ELP4: variants seen among roughly 807,000 people sequenced by gnomAD.
ELP4 encodes the protein elongator acetyltransferase complex subunit 4.
ELP4 carries 51 observed loss-of-function variants against 48.9 expected under a neutral mutation model. The ratio of observed to expected loss-of-function variants is 1.04; its 90% confidence interval spans 0.83 to 1.32. ELP4 has a LOEUF of 1.32. ELP4 is among the 40% of genes most tolerant of loss of function. The probability of loss-of-function intolerance (pLI) is 0.00; values close to 1 mark genes in which losing one functional copy is unlikely to be tolerated. For synonymous variants in ELP4, 210 were observed against 189.2 expected, an observed-to-expected ratio of 1.11 and a Z score of -0.90; for missense variants, 519 against 514.6, an observed-to-expected ratio of 1.01 and a Z score of -0.08.
chr11:31,567,345 C>G (rs1289208666), intron 3 of ELP4, among the ~76,000 whole-genome samples: 1 of 152,154 alleles, frequency 6.6e-6, no homozygotes, highest in Non-Finnish European at 1.5e-5. Context: ...CAGATAGGAT[C>G]AATAGTAGTA....
chr11:31,690,025 A>T (rs1470042608), intron 9 of ELP4, among the ~76,000 whole-genome samples: 1 of 152,192 alleles, frequency 6.6e-6, no homozygotes, highest in Non-Finnish European at 1.5e-5. Context: ...TCATGAAGGA[A>T]GGAAAAGGAA....
intron 9 of ELP4, among the ~76,000 whole-genome samples, chr11:31,679,960 T>TC (rs1428488902): frequency 6.6e-6 from 1 of 152,200 alleles, no homozygotes; most frequent in Non-Finnish European, 1.5e-5. Context: ...ACCCTGAGCT[T>TC]CCAACAGTTT....
chr11:31,621,542 A>G (rs548671527), intron 5 of ELP4, among the ~76,000 whole-genome samples: 1 of 152,000 alleles, frequency 6.6e-6, no homozygotes, highest in South Asian at 2.1e-4. Context: ...ACCTCATACC[A>G]CACATGTACA....
At chr11:31,781,577 C>A (rs956303530) in intron 9 of ELP4, among the ~76,000 whole-genome samples, 1 of 128,026 alleles carries the variant, frequency 7.8e-6, no homozygotes, top group African/African-American at 3.0e-5. Flanking sequence ...CGGTTCACTG[C>A]ATCCTCCGAC....
intron 5 of ELP4, among the ~76,000 whole-genome samples, chr11:31,605,650 G>T (rs1957860854): frequency 6.6e-6 from 1 of 151,930 alleles, no homozygotes; most frequent in African/African-American, 2.4e-5. Context: ...GTATTTTAAG[G>T]ACAATACTTT....
At chr11:31,704,788 A>C (rs1053731674) in intron 9 of ELP4, among the ~76,000 whole-genome samples, 3 of 152,044 alleles carry the variant, frequency 2.0e-5, no homozygotes, top group Admixed American at 2.0e-4. Context: ...AGGTGGGTGG[A>C]TCACCTGAGG....
chr11:31,535,227 G>T (rs1592091816), intron 2 of ELP4, among the ~76,000 whole-genome samples: 1 of 152,084 alleles, frequency 6.6e-6, no homozygotes, highest in African/African-American at 2.4e-5. Context: ...TGCTAAGAAG[G>T]TATCTAAACA....
intron 3 of ELP4, among the ~76,000 whole-genome samples, chr11:31,581,844 C>A (rs1040062799): frequency 6.6e-6 from 1 of 152,108 alleles, no homozygotes; most frequent in South Asian, 2.1e-4. Context: ...TCCTCCACCC[C>A]CTGGCCTCAA....
chr11:31,605,052 A>G (rs1173492912), intron 5 of ELP4, among the ~76,000 whole-genome samples: 1 of 152,020 alleles, frequency 6.6e-6, no homozygotes, highest in Non-Finnish European at 1.5e-5. Flanking sequence ...CTGAGTTTTA[A>G]TTATTAAGTG....
In ELP4 at chr11:31,509,792, C is replaced by T. The variant is rs1463060620; in HGVS notation, c.8C>T (p.Ala3Val). The change falls in exon 1 of 10, where the codon GCA (alanine) becomes GTA (valine). Residue 3 changes from alanine to valine, a missense_variant. Ala to Val is a moderately conservative substitution (Grantham distance 64, BLOSUM62 0). Coordinates refer to ENST00000640961, the MANE Select transcript of ELP4 (RefSeq NM_019040.5). ...AACACTGGAGGCTCTAAGATGGCGG[C>T]AGTGGCAACCTGCGGTAGTGTTGCC... MAAVATCGSVAAS... is the reference protein window; with the variant it reads MAVVATCGSVAAS... The T allele has an allele frequency of 1.2e-6, 2 of 1,614,076 alleles. No homozygotes were observed. Among genetic ancestry groups the T allele is most frequent in the Non-Finnish European group, 1.7e-6 (2 of 1,180,020 alleles).
At chr11:31,510,056 G>A (rs1955955615) in intron 1 of ELP4, 49 bp downstream of exon 1, 1 of 1,567,896 alleles carries the variant, frequency 6.4e-7, no homozygotes, top group Non-Finnish European at 8.7e-7. Flanking sequence ...AACTTAGGGA[G>A]GGGACCTGTC....
intron 9 of ELP4, among the ~76,000 whole-genome samples, chr11:31,729,609 T>C (rs1328961351): frequency 6.6e-6 from 1 of 152,218 alleles, no homozygotes; most frequent in Non-Finnish European, 1.5e-5. Flanking sequence ...CTTTGGGGCT[T>C]TCTATATGCA....
intron 9 of ELP4, chr11:31,706,873 G>A: frequency 5.1e-6 from 2 of 392,882 alleles, no homozygotes; most frequent in Admixed American, 8.9e-5. Context: ...TTAATATAAT[G>A]TCCTCCAGTT....
chr11:31,777,796 G>A (rs979990576), intron 9 of ELP4, among the ~76,000 whole-genome samples: 2 of 152,148 alleles, frequency 1.3e-5, no homozygotes, highest in Non-Finnish European at 2.9e-5. Flanking sequence ...ACTCTGAATT[G>A]CTTACTTCTG....
chr11:31,656,587 T>A (rs1284260067), intron 9 of ELP4, among the ~76,000 whole-genome samples: 1 of 152,042 alleles, frequency 6.6e-6, no homozygotes, highest in African/African-American at 2.4e-5. Context: ...TACATTGCAC[T>A]ATTTATTTAT....
chr11:31,712,426 A>G (rs185035539), intron 9 of ELP4, among the ~76,000 whole-genome samples: 127 of 152,272 alleles, frequency 8.3e-4, no homozygotes, highest in Non-Finnish European at 1.6e-3. Context: ...GAGAGCAACC[A>G]GGTTTCACCA....
chr11:31,516,003 T>A (rs1277982366), intron 1 of ELP4, among the ~76,000 whole-genome samples: 1 of 151,756 alleles, frequency 6.6e-6, no homozygotes, highest in Non-Finnish European at 1.5e-5. Context: ...CCCAGTTACT[T>A]GGGAGGCAGA....
At position 31,612,775 on chromosome 11, in the gene ELP4, C is replaced by T. The variant is rs576210685; in HGVS notation, c.653+8868C>T. ...AGCCAGGTGCAGAGTCTTCAGTTAA[C>T]AGTAAGGAAAATGTCCAGGAGCTTG... On this transcript the variant is annotated intron_variant, in intron 5 of 9. Coordinates refer to ENST00000640961, the MANE Select transcript of ELP4 (RefSeq NM_019040.5). 1.8e-4 allele frequency among the ~76,000 whole-genome samples: 27 copies of T among 152,156 alleles called. 1 individual carries two copies. In the South Asian group the frequency reaches 2.3e-3, roughly 13 times the overall value.
intron 3 of ELP4, among the ~76,000 whole-genome samples, chr11:31,592,523 AT>A (rs1957599195): frequency 6.7e-6 from 1 of 149,024 alleles, no homozygotes; most frequent in Admixed American, 6.8e-5. Context: ...TAATATATAT[AT>A]GTATGTATAT....
Sources: allele counts gnomAD v4.1 joint callset (sites outside exome capture counted in the v4.1 genomes callset), GRCh38; gene constraint gnomAD v4.1.1; transcripts MANE v1.5; gene names NCBI Gene and HGNC (gene_info 2026-07-23, HGNC 2026-07-21).